Variants in PRLR observed in about 807,000 individuals in gnomAD.
The protein encoded by PRLR is hPRL receptor.
PRLR carries 13 observed loss-of-function variants against 40.2 expected under a neutral mutation model. The ratio of observed to expected loss-of-function variants is 0.32; its 90% CI spans 0.21 to 0.51. PRLR has a LOEUF of 0.51. PRLR is among the 20% of genes least tolerant of loss of function. The probability of loss-of-function intolerance (pLI) is 0.97; values close to 1 mark genes in which losing one functional copy is unlikely to be tolerated. For synonymous variants in PRLR, 269 were observed against 278.7 expected, an observed-to-expected ratio of 0.97 and a Z score of 0.35; for missense variants, 656 against 747.3, an observed-to-expected ratio of 0.88 and a Z score of 1.42.
intron 1 of PRLR, among the ~76,000 whole-genome samples, chr5:35,122,941 A>C (rs1773339279): frequency 6.6e-6 from 1 of 152,192 alleles, no homozygotes; most frequent in Admixed American, 6.5e-5. Context: ...AATAGGGTAA[A>C]GTCAAGTCAA....
At chr5:35,130,681 T>C (rs1310466164) in intron 1 of PRLR, among the ~76,000 whole-genome samples, 1 of 152,224 alleles carries the variant, frequency 6.6e-6, no homozygotes, top group East Asian at 1.9e-4. Flanking sequence ...GATGGTGTTA[T>C]GGGTTGAATT....
chr5:35,192,981 A>G lies in PRLR; in HGVS notation c.-106+37287T>C, dbSNP rs189921022. 2.3e-3 allele frequency among the ~76,000 whole-genome samples: 344 copies of G among 152,288 alleles called. 3 individuals carry two copies. Among genetic ancestry groups the G allele is most frequent in the Non-Finnish European group, 3.5e-3 (236 of 68,018 alleles). ...TTTTCCTGCTTGCATTTGCAGTTAC[A>G]TGGAACTCGCTGGGCCACTTCTTGT... On this transcript the variant is annotated intron_variant, in intron 1 of 9. Coordinates refer to ENST00000618457, the MANE Select transcript of PRLR (RefSeq NM_000949.7).
At chr5:35,126,303 T>C (rs908978308) in intron 1 of PRLR, among the ~76,000 whole-genome samples, 3 of 152,216 alleles carry the variant, frequency 2.0e-5, no homozygotes, top group African/African-American at 7.2e-5. Flanking sequence ...CCAGGGGATC[T>C]GGCTCCCCAG....
At chr5:35,217,660 T>A (rs1776316886) in intron 1 of PRLR, among the ~76,000 whole-genome samples, 1 of 152,218 alleles carries the variant, frequency 6.6e-6, no homozygotes, top group Admixed American at 6.5e-5. Flanking sequence ...AGGGGGACAT[T>A]TTTATGAATG....
intron 1 of PRLR, among the ~76,000 whole-genome samples, chr5:35,175,755 A>G (rs2111960624): frequency 1.3e-5 from 2 of 152,356 alleles, no homozygotes; most frequent in Middle Eastern, 6.8e-3. Flanking sequence ...AAGACTTCAC[A>G]AACTGCCCCC....
intron 1 of PRLR, among the ~76,000 whole-genome samples, chr5:35,228,188 G>A (rs1038880715): frequency 6.8e-6 from 1 of 147,556 alleles, no homozygotes; most frequent in Non-Finnish European, 1.5e-5. Context: ...ATTGACTATG[G>A]GCTAGGCATG....
Position 35,180,016 on chromosome 5 carries a change from C to A in PRLR, c.-106+50252G>T, listed in dbSNP as rs183189042. 4.6e-5 allele frequency among the ~76,000 whole-genome samples: 7 copies of A among 152,288 alleles called. No homozygotes were observed. In the South Asian group the frequency reaches 6.2e-4, roughly 14 times the overall value. ...TGGGAGTCCTGAGCTTGCTTTCCTGCAACTAGGCGGTCCCATTTGGGAGTG... is the reference window on the plus strand; with the variant it reads ...TGGGAGTCCTGAGCTTGCTTTCCTGAAACTAGGCGGTCCCATTTGGGAGTG... On this transcript the variant is annotated intron_variant, in intron 1 of 9. Coordinates refer to ENST00000618457, the MANE Select transcript of PRLR (RefSeq NM_000949.7).
intron 1 of PRLR, among the ~76,000 whole-genome samples, chr5:35,179,187 C>G (rs1249915859): frequency 6.6e-6 from 1 of 152,092 alleles, no homozygotes; most frequent in Non-Finnish European, 1.5e-5. Context: ...AGAAAAACAC[C>G]AATCCACACA....
chr5:35,204,634 T>C (rs756046860), intron 1 of PRLR, among the ~76,000 whole-genome samples: 1 of 152,058 alleles, frequency 6.6e-6, no homozygotes, highest in Non-Finnish European at 1.5e-5. Flanking sequence ...ATAGAAAAAA[T>C]ACATTTGTGA....
chr5:35,054,052 T>A (rs992594967), downstream of PRLR, among the ~76,000 whole-genome samples: 29 of 152,188 alleles, frequency 1.9e-4, no homozygotes, highest in Admixed American at 2.6e-4. Flanking sequence ...AGGAAAAGGA[T>A]GAGTTACTCA....
intron 2 of PRLR, among the ~76,000 whole-genome samples, chr5:35,095,470 G>A (rs978758405): frequency 2.0e-5 from 3 of 152,192 alleles, no homozygotes; most frequent in African/African-American, 7.2e-5. Context: ...AGGAGAACAT[G>A]GCAGCCGCTC....
At chr5:35,081,811 ACAC>A (rs1770541836) in intron 5 of PRLR, 1 of 146,044 alleles carries the variant, frequency 6.8e-6, no homozygotes, top group Non-Finnish European at 1.5e-5. Flanking sequence ...ACACACACAC[ACAC>A]CCCTCCTGGG....
At chr5:35,054,423 AATAG>A (rs1156258329), downstream of PRLR, among the ~76,000 whole-genome samples, 1 of 102,324 alleles carries the variant, frequency 9.8e-6, no homozygotes. Context: ...GGGATTAATA[AATAG>A]TATATATGTG....
chr5:35,142,233 T>C (rs1164917780), intron 1 of PRLR, among the ~76,000 whole-genome samples: 2 of 152,220 alleles, frequency 1.3e-5, no homozygotes, highest in African/African-American at 2.4e-5. Flanking sequence ...AAGTGTTTGA[T>C]GCCTAGGTTG....
chr5:35,209,426 A>G (rs963725630), intron 1 of PRLR, among the ~76,000 whole-genome samples: 7 of 151,770 alleles, frequency 4.6e-5, no homozygotes, highest in Admixed American at 2.0e-4. Context: ...CAAAATGAGT[A>G]GAGAGGTAGT....
chr5:35,078,966 T>A (rs1770311426), intron 5 of PRLR, among the ~76,000 whole-genome samples: 1 of 152,194 alleles, frequency 6.6e-6, no homozygotes, highest in Non-Finnish European at 1.5e-5. Flanking sequence ...ACCACATGAT[T>A]ATCTCAATAG....
At chr5:35,186,636 T>C (rs922046087) in intron 1 of PRLR, among the ~76,000 whole-genome samples, 41 of 152,062 alleles carry the variant, frequency 2.7e-4, no homozygotes, top group African/African-American at 9.7e-4. Flanking sequence ...AACTAAAAGA[T>C]AATGGGGCAA....
chr5:35,204,054 T>C (rs1279823972), intron 1 of PRLR, among the ~76,000 whole-genome samples: 1 of 152,090 alleles, frequency 6.6e-6, no homozygotes, highest in African/African-American at 2.4e-5. Flanking sequence ...GAGGGACATG[T>C]GTGTTTCTTA....
intron 1 of PRLR, among the ~76,000 whole-genome samples, chr5:35,200,308 C>G (rs534017558): frequency 6.6e-6 from 1 of 152,270 alleles, no homozygotes; most frequent in East Asian, 1.9e-4. Flanking sequence ...CCAATTCTAT[C>G]GTGGCTACAT....
Sources: gnomAD v4.1 joint callset for allele counts (sites outside exome capture counted in the v4.1 genomes callset) on GRCh38, gnomAD v4.1.1 for gene constraint, MANE v1.5 for transcripts, NCBI Gene and HGNC (gene_info 2026-07-23, HGNC 2026-07-21) for gene names.